The following MBP variants were observed in gnomAD, a reference collection of about 807,000 sequenced individuals.
The protein encoded by MBP is myelin basic protein.
MBP carries 16 observed loss-of-function variants against 35.8 expected under a neutral mutation model. The ratio of observed to expected loss-of-function variants is 0.45; its 90% confidence interval spans 0.30 to 0.68. The LOEUF (loss-of-function observed/expected upper bound fraction) is 0.68. Ranked by LOEUF, MBP falls within the 30% of genes least tolerant of loss-of-function variation. The probability of loss-of-function intolerance (pLI) is 0.08; values close to 1 mark genes in which losing one functional copy is unlikely to be tolerated. For synonymous variants in MBP, 143 were observed against 159.6 expected (o/e 0.90, Z 0.78); for missense variants, 380 against 404.7 (o/e 0.94, Z 0.52).
rs758633404 is a variant in MBP at position 77,102,427 on chromosome 18, A to C, written c.51+2784T>G. On this transcript the variant is annotated intron_variant, in intron 2 of 8. Transcript: ENST00000355994. This position sits in a 1 kb window ranked among gnomAD's most constrained non-coding sequence, Gnocchi z 4.4. Reference sequence around the variant, plus strand: ...TTCAAGTTTAATGCTCTACTAAGCTATGCAGCATCACAGAACATGTACATG... The same window carrying C: ...TTCAAGTTTAATGCTCTACTAAGCTCTGCAGCATCACAGAACATGTACATG... 2.0e-5 allele frequency among the ~76,000 whole-genome samples: 3 copies of C among 152,204 alleles called. No homozygotes were observed. The highest frequency in any genetic ancestry group is 4.4e-5 in the Non-Finnish European group (3 of 68,042).
chr18:77,028,634 C>A (rs1274440939), intron 3 of MBP, among the ~76,000 whole-genome samples: 4 of 68,146 alleles, frequency 5.9e-5, no homozygotes, highest in Non-Finnish European at 7.6e-5. Flanking sequence ...CCCCCCCCCA[C>A]CTCCCTCCCG....
At chr18:77,064,451 A>G (rs1974108115) in intron 3 of MBP, among the ~76,000 whole-genome samples, 1 of 152,340 alleles carries the variant, frequency 6.6e-6, no homozygotes, top group East Asian at 1.9e-4. Context: ...TCAGCAGAGC[A>G]CTGAGTCCCT....
At chr18:77,127,290 C>T (rs959595968) in intron 1 of MBP, 6 of 152,186 alleles carry the variant, frequency 3.9e-5, no homozygotes, top group Non-Finnish European at 7.4e-5. Context: ...GAAGGATCAC[C>T]TTTTCAACTA....
chr18:76,984,612 G>A (rs1474127757), intron 8 of MBP, 163 bp downstream of exon 8: 8 of 857,528 alleles, frequency 9.3e-6, no homozygotes, highest in African/African-American at 1.7e-5. Flanking sequence ...GTAAATGCGG[G>A]TGGGCAATGC....
intron 2 of MBP, among the ~76,000 whole-genome samples, chr18:77,079,275 G>A (rs1363921706): frequency 6.6e-6 from 1 of 152,238 alleles, no homozygotes; most frequent in African/African-American, 2.4e-5. Context: ...TCTTAACCCT[G>A]ATGGGCAGAT....
intron 4 of MBP, among the ~76,000 whole-genome samples, chr18:77,011,959 C>T (rs1272377759): frequency 6.6e-6 from 1 of 152,188 alleles, no homozygotes; most frequent in African/African-American, 2.4e-5. Context: ...AGCCAAGCTC[C>T]TAATTCACCG....
At chr18:77,082,555 C>T (rs532873374) in intron 2 of MBP, among the ~76,000 whole-genome samples, 2 of 152,324 alleles carry the variant, frequency 1.3e-5, no homozygotes, top group Non-Finnish European at 2.9e-5. Context: ...GTTGCACAAT[C>T]CTGTGAATGT....
intron 2 of MBP, among the ~76,000 whole-genome samples, chr18:77,088,947 G>A (rs1320036294): frequency 4.6e-5 from 7 of 152,226 alleles, no homozygotes; most frequent in African/African-American, 1.7e-4. Context: ...TCTATGTGTG[G>A]ACACTCCCCT....
At chr18:77,001,886 C>T (rs1334195610) in intron 4 of MBP, among the ~76,000 whole-genome samples, 1 of 152,124 alleles carries the variant, frequency 6.6e-6, no homozygotes, top group African/African-American at 2.4e-5. Flanking sequence ...TAAGAAAGTT[C>T]CTGCTCATCT....
chr18:77,054,456 C>A (rs923071836), intron 3 of MBP, among the ~76,000 whole-genome samples: 2 of 152,152 alleles, frequency 1.3e-5, no homozygotes, highest in Non-Finnish European at 2.9e-5. Flanking sequence ...CCCTGGGGAA[C>A]AGGTGGAGGG....
At chr18:77,100,447 A>G (rs1975951046) in intron 2 of MBP, among the ~76,000 whole-genome samples, 1 of 152,158 alleles carries the variant, frequency 6.6e-6, no homozygotes, top group Non-Finnish European at 1.5e-5. Flanking sequence ...CAATGTCTGC[A>G]AAGTCCCTGG....
intron 3 of MBP, among the ~76,000 whole-genome samples, chr18:77,058,634 G>A (rs865952146): frequency 6.6e-6 from 1 of 152,096 alleles, no homozygotes; most frequent in African/African-American, 2.4e-5. Context: ...GAACACGGCC[G>A]CAGTGACTGG....
At chr18:77,132,069 C>T (rs1332549864) in intron 1 of MBP, among the ~76,000 whole-genome samples, 1 of 152,100 alleles carries the variant, frequency 6.6e-6, no homozygotes, top group Non-Finnish European at 1.5e-5. Context: ...CCGGGAGGAC[C>T]CCCCAGCCCG....
chr18:77,024,834 G>T (rs764120892), intron 3 of MBP, among the ~76,000 whole-genome samples: 3 of 152,228 alleles, frequency 2.0e-5, no homozygotes, highest in Non-Finnish European at 4.4e-5. Context: ...GTGTTTATGA[G>T]ATGGGAGCAT....
intron 4 of MBP, chr18:77,012,787 C>T: frequency 1.0e-6 from 1 of 985,380 alleles, no homozygotes; most frequent in Non-Finnish European, 1.2e-6. Context: ...AATTAGTACA[C>T]TGTCCTTGGT....
intron 3 of MBP, among the ~76,000 whole-genome samples, chr18:77,018,594 A>C (rs372422465): frequency 0.031 from 3,539 of 116,016 alleles, 222 homozygotes; most frequent in African/African-American, 0.13. Flanking sequence ...CCATCCACCC[A>C]CCCCTCCATC....
Position 77,066,207 on chromosome 18 carries a change from G to A in MBP, c.139+91C>T, listed in dbSNP as rs139404840. On this transcript the variant is annotated intron_variant, in intron 3 of 8. Transcript: ENST00000355994. ...ACAGACAGATCCATGGATCACCCAT[G>A]CAATAAAAAAATCAAAGGCTTCCCC... 31 of 872,974 alleles carry A rather than the reference G, an allele frequency of 3.6e-5. 1 individual carries two copies. In the East Asian group the frequency reaches 7.3e-4, roughly 21 times the overall value. The allele number at this position is 872,974 out of a possible 1,614,324, so 54.1% of individuals were successfully genotyped here. A position where few individuals can be genotyped will look rare whatever the true frequency, so the allele number is the denominator to read the frequency against.
At chr18:77,060,821 G>A (rs1426119235) in intron 3 of MBP, among the ~76,000 whole-genome samples, 1 of 152,180 alleles carries the variant, frequency 6.6e-6, no homozygotes, top group Non-Finnish European at 1.5e-5. Flanking sequence ...TCTGGAGGAG[G>A]AAACAGGCAC....
intron 2 of MBP, among the ~76,000 whole-genome samples, chr18:77,090,606 G>A (rs981984015): frequency 1.3e-5 from 2 of 152,116 alleles, no homozygotes; most frequent in Non-Finnish European, 2.9e-5. Context: ...TTAGACTCCC[G>A]GGTGTCTGAT....
Sources: allele counts gnomAD v4.1 joint callset (sites outside exome capture counted in the v4.1 genomes callset), GRCh38; gene constraint gnomAD v4.1.1; non-coding constraint Gnocchi (gnomAD v3.1); transcripts MANE v1.5; gene names NCBI Gene and HGNC (gene_info 2026-07-23, HGNC 2026-07-21).